The following NRG3 variants were observed in gnomAD, a reference collection of about 807,000 sequenced individuals.
NRG3 encodes neuregulin 3.
Under a neutral mutation model 66.9 loss-of-function variants are expected in NRG3, and 31 were observed. The ratio of observed to expected loss-of-function variants is 0.46; its 90% confidence interval spans 0.35 to 0.63. The LOEUF is 0.63. Ranked by LOEUF, NRG3 falls within the 20% of genes least tolerant of loss-of-function variation. The pLI, the probability that NRG3 is intolerant of heterozygous loss-of-function variation, is 0.00. For synonymous variants in NRG3, 393 were observed against 359.4 expected, an observed-to-expected ratio of 1.09 and a Z score of -1.06; for missense variants, 910 against 878.9, an observed-to-expected ratio of 1.04 and a Z score of -0.45.
At chr10:82,512,326 C>T (rs546026933) in intron 2 of NRG3, among the ~76,000 whole-genome samples, 1 of 151,502 alleles carries the variant, frequency 6.6e-6, no homozygotes, top group Non-Finnish European at 1.5e-5. Context: ...CACTCTGTTG[C>T]CCAGGCTGGA....
At chr10:82,445,957 AC>A (rs1000624224) in intron 2 of NRG3, among the ~76,000 whole-genome samples, 5 of 152,232 alleles carry the variant, frequency 3.3e-5, no homozygotes, top group African/African-American at 1.2e-4. Context: ...TTGGCCATCA[AC>A]ACTCAGATAC....
chr10:82,678,064 C>T lies in NRG3; in HGVS notation c.954-60513C>T, dbSNP rs138805881. Among the ~76,000 whole-genome samples, 1,257 of 152,270 alleles carry T rather than the reference C, an allele frequency of 8.3e-3. 13 individuals are homozygous for T. The highest frequency in any genetic ancestry group is 0.028 in the African/African-American group (1,178 of 41,552). ...AGGAAGGACATATACCAGTTAAACT[C>T]CGCCATTTTGCCTCTTAGTGCTCAT... On this transcript the variant is annotated intron_variant, in intron 2 of 8. Transcript: ENST00000372141.
intron 3 of NRG3, among the ~76,000 whole-genome samples, chr10:82,850,608 G>GA (rs755146111): frequency 5.9e-4 from 89 of 151,880 alleles, no homozygotes; most frequent in Middle Eastern, 3.4e-3. Flanking sequence ...TTAACAGCAT[G>GA]AAAGCTCAAA....
At chr10:82,346,475 T>C (rs2083030797) in intron 1 of NRG3, among the ~76,000 whole-genome samples, 1 of 149,964 alleles carries the variant, frequency 6.7e-6, no homozygotes. Context: ...GCCAGTATTT[T>C]ATTGAGGATT....
chr10:82,697,099 G>A (rs2055444986), intron 2 of NRG3, among the ~76,000 whole-genome samples: 4 of 151,976 alleles, frequency 2.6e-5, no homozygotes, highest in Admixed American at 2.6e-4. Context: ...AGATGAAGTG[G>A]GAAAACAAAA....
chr10:82,521,949 G>A (rs1846229485), intron 2 of NRG3, among the ~76,000 whole-genome samples: 1 of 151,570 alleles, frequency 6.6e-6, no homozygotes, highest in African/African-American at 2.4e-5. Context: ...CAATGGGATT[G>A]CAGACATTCA....
chr10:82,720,324 A>T lies in NRG3; in HGVS notation c.954-18253A>T, dbSNP rs1162141000. Among the ~76,000 whole-genome samples, 4 of 151,890 alleles carry T rather than the reference A, an allele frequency of 2.6e-5. No individual in the cohort carries two copies. The East Asian group carries it at 7.8e-4, about 30-fold the overall frequency. On this transcript the variant is annotated intron_variant, in intron 2 of 8. Transcript: ENST00000372141. ...AGAATCCCTTGAACCCGGGAGGCAG[A>T]GGTTGCAGTGAGCTGAGATTGCGCC...
chr10:82,241,527 T>G (rs981103399), intron 1 of NRG3, among the ~76,000 whole-genome samples: 1 of 152,166 alleles, frequency 6.6e-6, no homozygotes, highest in African/African-American at 2.4e-5. Context: ...GGAAGACACC[T>G]TGTTTGTTTT....
intron 1 of NRG3, among the ~76,000 whole-genome samples, chr10:82,282,685 G>A (rs1022936094): frequency 6.6e-6 from 1 of 152,098 alleles, no homozygotes; most frequent in Non-Finnish European, 1.5e-5. Flanking sequence ...GCAAATTAGC[G>A]ACAAAGGTAT....
At chr10:82,410,211 G>A (rs1172515414) in intron 2 of NRG3, among the ~76,000 whole-genome samples, 1 of 152,092 alleles carries the variant, frequency 6.6e-6, no homozygotes, top group African/African-American at 2.4e-5. Context: ...GAAATCTATG[G>A]CTGGGCGTGG....
intron 3 of NRG3, among the ~76,000 whole-genome samples, chr10:82,745,678 AG>A (rs1256023651): frequency 1.3e-5 from 2 of 152,132 alleles, no homozygotes; most frequent in Admixed American, 1.3e-4. Flanking sequence ...AATATCTTCA[AG>A]TCTTTCCTTT....
intron 4 of NRG3, among the ~76,000 whole-genome samples, chr10:82,927,308 A>C (rs1301500208): frequency 6.6e-6 from 1 of 152,178 alleles, no homozygotes; most frequent in Non-Finnish European, 1.5e-5. Context: ...ACATTATTTA[A>C]ATTTTTATTA....
intron 2 of NRG3, among the ~76,000 whole-genome samples, chr10:82,583,576 G>T (rs1036714212): frequency 3.3e-5 from 5 of 152,062 alleles, no homozygotes; most frequent in Non-Finnish European, 2.9e-5. Context: ...TAAACATTAC[G>T]CTTGTGATTT....
intron 1 of NRG3, among the ~76,000 whole-genome samples, chr10:82,080,517 A>T (rs2065332124): frequency 6.6e-6 from 1 of 151,872 alleles, no homozygotes; most frequent in Non-Finnish European, 1.5e-5. Flanking sequence ...GCTGGTCCTC[A>T]CTTCTCTTTT....
chr10:81,928,855 C>T (rs993984776), intron 1 of NRG3, among the ~76,000 whole-genome samples: 2 of 152,006 alleles, frequency 1.3e-5, no homozygotes, highest in Admixed American at 1.3e-4. Flanking sequence ...GAGAGTTTAG[C>T]TCTGTCACCA....
chr10:82,791,742 G>T (rs1210444244), intron 3 of NRG3, among the ~76,000 whole-genome samples: 1 of 152,080 alleles, frequency 6.6e-6, no homozygotes, highest in African/African-American at 2.4e-5. Context: ...CTTCTTGTTT[G>T]CCCCAACTTG....
intron 2 of NRG3, among the ~76,000 whole-genome samples, chr10:82,581,809 A>AT (rs567467937): frequency 4.0e-5 from 6 of 151,752 alleles, no homozygotes; most frequent in Non-Finnish European, 5.9e-5. Context: ...GGTAACCTAG[A>AT]TTTTTTTTCC....
At chr10:82,770,323 G>A (rs918986880) in intron 3 of NRG3, among the ~76,000 whole-genome samples, 19 of 152,060 alleles carry the variant, frequency 1.2e-4, no homozygotes, top group Admixed American at 9.2e-4. Flanking sequence ...GGTATATCAA[G>A]AATCTTAGCA....
At chr10:82,674,523 T>C (rs2053526200) in intron 2 of NRG3, among the ~76,000 whole-genome samples, 1 of 152,198 alleles carries the variant, frequency 6.6e-6, no homozygotes, top group Admixed American at 6.5e-5. Flanking sequence ...AAGTATCATC[T>C]TCTCTAGACT....
Sources: gnomAD v4.1 joint callset for allele counts (sites outside exome capture counted in the v4.1 genomes callset) on GRCh38, gnomAD v4.1.1 for gene constraint, MANE v1.5 for transcripts, NCBI Gene and HGNC (gene_info 2026-07-23, HGNC 2026-07-21) for gene names.